Variants in LPIN2 observed in about 807,000 individuals in gnomAD.
The protein encoded by LPIN2 is phosphatidate phosphatase LPIN2.
A neutral mutation model predicts 111.4 loss-of-function variants in LPIN2; 55 were observed. The observed-to-expected ratio is 0.49, with a 90% CI of 0.40 to 0.62. The LOEUF (loss-of-function observed/expected upper bound fraction) is 0.62, where lower values mean the gene tolerates loss of function less well. Ranked by LOEUF, LPIN2 falls within the 20% of genes least tolerant of loss-of-function variation. LPIN2 has a pLI of 0.00. For synonymous variants in LPIN2, 425 were observed against 414.0 expected (o/e 1.03, Z -0.32); for missense variants, 992 against 1,112.1 (o/e 0.89, Z 1.54).
At chr18:2,974,092 GTTGTT>G (rs1369095461) in intron 1 of LPIN2, among the ~76,000 whole-genome samples, 13 of 152,168 alleles carry the variant, frequency 8.5e-5, no homozygotes, top group Middle Eastern at 3.4e-3. Flanking sequence ...AGTTGTTGTT[GTTGTT>G]TTGTTTTGTT....
chr18:2,920,418 G>A lies in LPIN2; in HGVS notation c.2566C>T (p.Leu856Phe), dbSNP rs200839841. 2 of 1,613,840 alleles carry A rather than the reference G, an allele frequency of 1.2e-6. No homozygotes were observed. The highest frequency in any genetic ancestry group is 8.5e-7 in the Non-Finnish European group (1 of 1,180,040). ...AGAAGGGGGAACACATGCTCCACGAGCTCACTCAGCCTGTGATACCTAAGA... is the reference window on the plus strand; with the variant it reads ...AGAAGGGGGAACACATGCTCCACGAACTCACTCAGCCTGTGATACCTAAGA... Reference protein sequence around the residue: ...NKSSYHRLSELVEHVFPLLSK... With the variant: ...NKSSYHRLSEFVEHVFPLLSK... Residue 856 changes from leucine to phenylalanine, a missense_variant, in exon 20 of 20, where the codon CTC becomes TTC. Leu to Phe is a conservative substitution (Grantham distance 22). This residue lies in a region of LPIN2 where 185 missense variants were observed against 186.5 expected (regional missense o/e 0.99). Transcript: ENST00000677752.
rs905711220 is a variant in LPIN2 at position 2,919,213 on chromosome 18, G to C, written c.*1080C>G. 2 of 152,234 alleles carry C rather than the reference G, an allele frequency of 1.3e-5. No homozygotes were observed. Among genetic ancestry groups the C allele is most frequent in the Non-Finnish European group, 2.9e-5 (2 of 68,088 alleles). 9.4% of individuals were successfully genotyped at this position (152,234 alleles called of 1,614,324 possible). The stretch of plus-strand genomic sequence containing the variant: ...AGGGCTAGGCTGGGGACACTGCTCG[G>C]GGGGCAGTCTGCTCCATAGGAGCTC... On this transcript the variant is annotated 3_prime_UTR_variant, in exon 20 of 20. Transcript: ENST00000677752.
intron 1 of LPIN2, among the ~76,000 whole-genome samples, chr18:2,979,326 T>G (rs1239035411): frequency 6.6e-6 from 1 of 152,244 alleles, no homozygotes; most frequent in Non-Finnish European, 1.5e-5. Flanking sequence ...GCACTGAGTA[T>G]GCTGAGTATG....
chr18:2,937,647 C>A, intron 7 of LPIN2, 45 bp downstream of exon 7: 1 of 1,481,436 alleles, frequency 6.8e-7, no homozygotes, highest in Non-Finnish European at 9.4e-7. Context: ...AATAATTTAC[C>A]ATCTAATTTG....
chr18:2,925,080 G>C lies in LPIN2; in HGVS notation c.1938+144C>G. 1 of 1,135,918 alleles carries C rather than the reference G, an allele frequency of 8.8e-7. No individual in the cohort carries two copies. Among genetic ancestry groups the C allele is most frequent in the Non-Finnish European group, 1.3e-6 (1 of 780,326 alleles). 70.4% of individuals were successfully genotyped at this position (1,135,918 alleles called of 1,614,324 possible). A position where few individuals can be genotyped will look rare whatever the true frequency, so the allele number is the denominator to read the frequency against. The stretch of plus-strand genomic sequence containing the variant: ...GATAGCTCTTGGGGGCGGCGGTCGT[G>C]GTTCCACTGTGGATAGGCATTGACA... On this transcript the variant is annotated intron_variant, in intron 14 of 19. Transcript: ENST00000677752. This position sits in a 1 kb window ranked among gnomAD's most constrained non-coding sequence, Gnocchi z 4.1.
intron 4 of LPIN2, chr18:2,946,831 C>T (rs1230825170): frequency 1.0e-5 from 4 of 389,680 alleles, no homozygotes; most frequent in African/African-American, 6.3e-5. Context: ...TAGCACAGTA[C>T]GAGTCAACGA....
chr18:2,964,369 A>T (rs922939422), intron 1 of LPIN2, among the ~76,000 whole-genome samples: 1 of 150,006 alleles, frequency 6.7e-6, no homozygotes, highest in Admixed American at 6.6e-5. Context: ...CCACCACCAA[A>T]TTCATATATT....
At chr18:2,948,210 A>G (rs750513798) in intron 4 of LPIN2, 3 of 152,180 alleles carry the variant, frequency 2.0e-5, no homozygotes, top group Admixed American at 1.3e-4. Flanking sequence ...ATGGTAACCT[A>G]AAGAAAAAGC....
intron 15 of LPIN2, among the ~76,000 whole-genome samples, 196 bp downstream of exon 15, chr18:2,924,202 T>C (rs1442833045): frequency 6.6e-6 from 1 of 152,214 alleles, no homozygotes; most frequent in Non-Finnish European, 1.5e-5. Context: ...ACATTTGTTA[T>C]GCACCCTCAC....
At chr18:2,985,812 T>TC (rs940233533) in intron 1 of LPIN2, among the ~76,000 whole-genome samples, 5 of 151,844 alleles carry the variant, frequency 3.3e-5, no homozygotes, top group African/African-American at 9.7e-5. Context: ...ATAATTGTAC[T>TC]CCCCCCCAGT....
intron 1 of LPIN2, among the ~76,000 whole-genome samples, chr18:2,995,706 T>A (rs1195128000): frequency 3.3e-5 from 5 of 152,206 alleles, no homozygotes. Context: ...GTTCATCAGA[T>A]GTTGCTTTGA....
At chr18:3,000,713 G>A (rs974607143) in intron 1 of LPIN2, among the ~76,000 whole-genome samples, 2 of 152,200 alleles carry the variant, frequency 1.3e-5, no homozygotes, top group Non-Finnish European at 2.9e-5. Context: ...GGCCTGCGGA[G>A]ACTCTGGTGA....
rs1410762000 is a variant in LPIN2 at position 2,920,325 on chromosome 18, T to C, written c.2659A>G (p.Ile887Val). The change falls in exon 20 of 20, where the codon ATC becomes GTC. Residue 887 changes from isoleucine to valine, a missense_variant. Ile to Val is a conservative substitution (Grantham distance 29, BLOSUM62 3). Transcript: ENST00000677752. ...FSSFCYWRDP[I>V]PEVDLDDLS ...AGGTCATCCAGGTCCACTTCAGGGA[T>C]CGGGTCTCGCCAGTAGCAGAAGGAG... The C allele has an allele frequency of 6.2e-7, 1 of 1,614,116 alleles. No individual in the cohort carries two copies. Among genetic ancestry groups the C allele is most frequent in the Non-Finnish European group, 8.5e-7 (1 of 1,180,032 alleles).
chr18:2,922,320 G>A lies in LPIN2; in HGVS notation c.2175-121C>T. ...TTTTGAGTCTCACTCTGTTACCCAG[G>A]CTGGAGTGCTGTGGCGCCATCTCGG... On this transcript the variant is annotated intron_variant, in intron 16 of 19. Coordinates refer to ENST00000677752, the MANE Select transcript of LPIN2 (RefSeq NM_001375808.2). 5 of 1,157,390 alleles carry A rather than the reference G, an allele frequency of 4.3e-6. No individual in the cohort carries two copies. In the East Asian group the frequency reaches 1.0e-4, roughly 24 times the overall value. The allele number at this position is 1,157,390 out of a possible 1,614,324, so 71.7% of individuals were successfully genotyped here.
chr18:3,011,896 G>A (rs1207392666), intron 1 of LPIN2: 1 of 152,300 alleles, frequency 6.6e-6, no homozygotes, highest in Non-Finnish European at 1.5e-5. Context: ...TGCACTGTGT[G>A]GCCGGCTCTG....
At chr18:2,968,370 G>C (rs2077842895) in intron 1 of LPIN2, among the ~76,000 whole-genome samples, 1 of 152,188 alleles carries the variant, frequency 6.6e-6, no homozygotes, top group Admixed American at 6.5e-5. Context: ...TTCTGGTACA[G>C]TTCAGTTTTC....
intron 1 of LPIN2, among the ~76,000 whole-genome samples, chr18:2,989,867 C>G (rs1410913270): frequency 1.3e-5 from 2 of 150,864 alleles, no homozygotes; most frequent in African/African-American, 4.9e-5. Flanking sequence ...CTGCAGTGAG[C>G]TGAGATTGCA....
In LPIN2 at chr18:2,919,028, C is replaced by G. The variant is rs536250850; in HGVS notation, c.*1265G>C. ...TGTTAAGAGTGCAGCTCTGTCAACA[C>G]TCAGCATACCAAAAGCTCTGGAGCA... On this transcript the variant is annotated 3_prime_UTR_variant, in exon 20 of 20. Transcript: ENST00000677752. The G allele has an allele frequency of 3.5e-4, 53 of 152,330 alleles. No individual in the cohort carries two copies. Among genetic ancestry groups the G allele is most frequent in the African/African-American group, 1.1e-3 (45 of 41,574 alleles). The allele number at this position is 152,330 out of a possible 1,614,324, so 9.4% of individuals were successfully genotyped here.
intron 4 of LPIN2, among the ~76,000 whole-genome samples, chr18:2,942,697 G>C (rs759253043): frequency 9.9e-5 from 15 of 152,184 alleles, no homozygotes; most frequent in Non-Finnish European, 1.9e-4. Context: ...TACAGTGACA[G>C]AAAAGATTTA....
Sources: gnomAD v4.1 joint callset for allele counts (sites outside exome capture counted in the v4.1 genomes callset) on GRCh38, gnomAD v4.1.1 for gene constraint, gnomAD v4.1.1 regional missense constraint, Gnocchi (gnomAD v3.1) non-coding constraint, MANE v1.5 for transcripts, NCBI Gene and HGNC (gene_info 2026-07-23, HGNC 2026-07-21) for gene names.